Variants in SRSF11 observed in about 807,000 individuals in gnomAD.
SRSF11 encodes the protein serine/arginine-rich splicing factor 11.
Under a neutral mutation model 56.0 loss-of-function variants are expected in SRSF11, and 9 were observed. That is an observed-to-expected ratio of 0.16 (90% confidence interval 0.10 to 0.28). The LOEUF is 0.28. Among genes scored for constraint, SRSF11 ranks in the 10% least tolerant of loss-of-function variants. The pLI is 1.00. For synonymous variants in SRSF11, 222 were observed against 215.3 expected (o/e 1.03, Z -0.27); for missense variants, 421 against 600.7 (o/e 0.70, Z 3.13).
intron 7 of SRSF11, among the ~76,000 whole-genome samples, chr1:70,244,217 T>A (rs1571909517): frequency 1.3e-5 from 2 of 152,296 alleles, no homozygotes; most frequent in East Asian, 3.9e-4. Flanking sequence ...GGCATTTACT[T>A]TATGGACTTA....
intron 9 of SRSF11, 49 bp downstream of exon 9, chr1:70,246,956 C>G: frequency 6.8e-7 from 1 of 1,477,054 alleles, no homozygotes; most frequent in Non-Finnish European, 9.3e-7. Flanking sequence ...AACTTTGCTT[C>G]TAACAGTATC....
chr1:70,235,619 G>A lies in SRSF11; in HGVS notation c.590+69G>A, dbSNP rs949926898. 5.5e-6 allele frequency: 8 copies of A among 1,455,506 alleles called. No homozygotes were observed. In the African/African-American group the frequency reaches 1.0e-4, roughly 18 times the overall value. 90.2% of individuals were successfully genotyped at this position (1,455,506 alleles called of 1,614,324 possible). A position where few individuals can be genotyped will look rare whatever the true frequency, so the allele number is the denominator to read the frequency against. On this transcript the variant is annotated intron_variant, in intron 5 of 11. Transcript: ENST00000370949. Reference sequence around the variant, plus strand: ...ATGTCTACAGAATTAGAGTTTTTTTGATAGCTTATAAGAAAGTTATCAAGT... The same window carrying A: ...ATGTCTACAGAATTAGAGTTTTTTTAATAGCTTATAAGAAAGTTATCAAGT...
At chr1:70,238,350 A>G (rs889059696) in intron 6 of SRSF11, among the ~76,000 whole-genome samples, 1 of 152,216 alleles carries the variant, frequency 6.6e-6, no homozygotes, top group Non-Finnish European at 1.5e-5. Flanking sequence ...AAGTGACTGA[A>G]TGTAGTTTCT....
chr1:70,215,479 G>A (rs1351016726), intron 1 of SRSF11, among the ~76,000 whole-genome samples: 1 of 152,196 alleles, frequency 6.6e-6, no homozygotes, highest in Non-Finnish European at 1.5e-5. Context: ...GGTGATGGTA[G>A]ATTTTTGTCT....
chr1:70,217,188 C>T (rs1347881552), upstream of SRSF11, among the ~76,000 whole-genome samples: 3 of 151,660 alleles, frequency 2.0e-5, no homozygotes, highest in Admixed American at 6.6e-5. Flanking sequence ...GATGGCGTTT[C>T]GCTCTTGTTG....
At chr1:70,217,151 GTTGT>G (rs1241815498), upstream of SRSF11, among the ~76,000 whole-genome samples, 2 of 151,604 alleles carry the variant, frequency 1.3e-5, no homozygotes, top group African/African-American at 4.8e-5. Context: ...TTTTTTTGTT[GTTGT>G]TTTTTGTTTT....
At chr1:70,224,954 C>T (rs1380213774) in intron 1 of SRSF11, among the ~76,000 whole-genome samples, 1 of 152,046 alleles carries the variant, frequency 6.6e-6, no homozygotes, top group Non-Finnish European at 1.5e-5. Flanking sequence ...TGTTTTTGAC[C>T]CTGTTTTACA....
chr1:70,239,647 G>C, intron 7 of SRSF11, 127 bp downstream of exon 7: 1 of 649,304 alleles, frequency 1.5e-6, no homozygotes, highest in Non-Finnish European at 2.6e-6. Context: ...CTGTTAGAAT[G>C]TGTGAATGAC....
At chr1:70,229,512 G>C (rs1345230113) in intron 2 of SRSF11, 15 of 984,834 alleles carry the variant, frequency 1.5e-5, no homozygotes, top group Non-Finnish European at 1.7e-5. Context: ...CCAATGTACT[G>C]CTACTTGATT....
At chr1:70,232,016 A>G in intron 2 of SRSF11, 1 of 1,523,056 alleles carries the variant, frequency 6.6e-7, no homozygotes, top group Non-Finnish European at 8.8e-7. Context: ...AGTAGTGTGT[A>G]TTGTGCTATT....
intron 1 of SRSF11, among the ~76,000 whole-genome samples, chr1:70,208,939 A>C (rs556840852): frequency 1.8e-4 from 27 of 152,340 alleles, no homozygotes; most frequent in African/African-American, 6.5e-4. Context: ...TACTAAAATA[A>C]TGTGAAATGA....
intron 2 of SRSF11, chr1:70,229,802 A>ATTT: frequency 1.0e-6 from 1 of 983,900 alleles, no homozygotes; most frequent in Non-Finnish European, 1.2e-6. Flanking sequence ...ATTAACTTAT[A>ATTT]TTTATAAATG....
At chr1:70,232,102 A>T in intron 2 of SRSF11, 166 bp from the exon 3 acceptor site, 2 of 1,547,436 alleles carry the variant, frequency 1.3e-6, no homozygotes, top group Non-Finnish European at 1.7e-6. Flanking sequence ...TCATTCTGAC[A>T]TAAAATTAAT....
chr1:70,231,104 C>T, intron 2 of SRSF11: 1 of 1,289,600 alleles, frequency 7.8e-7, no homozygotes, highest in South Asian at 1.2e-5. Context: ...GTTCTTTTCC[C>T]TGGTTCAGCC....
At chr1:70,218,672 C>G (rs1438232057), upstream of SRSF11, 1 of 152,114 alleles carries the variant, frequency 6.6e-6, no homozygotes, top group African/African-American at 2.4e-5. Flanking sequence ...CTTTTATCAT[C>G]AAATATTTTA....
intron 2 of SRSF11, chr1:70,229,291 C>G: frequency 1.6e-6 from 2 of 1,287,734 alleles, no homozygotes; most frequent in Non-Finnish European, 2.0e-6. Context: ...TAGACATTAA[C>G]TAAAGGCCAG....
chr1:70,238,550 G>A (rs1233544911), intron 6 of SRSF11, among the ~76,000 whole-genome samples: 2 of 152,158 alleles, frequency 1.3e-5, no homozygotes, highest in Non-Finnish European at 2.9e-5. Flanking sequence ...TTTCTTATGT[G>A]TAGTTCTAGA....
At chr1:70,226,624 C>A (rs1671843711) in intron 1 of SRSF11, among the ~76,000 whole-genome samples, 1 of 152,106 alleles carries the variant, frequency 6.6e-6, no homozygotes, top group South Asian at 2.1e-4. Flanking sequence ...TGCTATTTCC[C>A]AGGGCATTGT....
intron 1 of SRSF11, among the ~76,000 whole-genome samples, chr1:70,214,894 GTTTTT>G (rs34229824): frequency 7.9e-6 from 1 of 125,916 alleles, no homozygotes; most frequent in Non-Finnish European, 1.6e-5. Flanking sequence ...CTGCAGATAA[GTTTTT>G]TTTTTTTTTT....
Sources: gnomAD v4.1 joint callset for allele counts (sites outside exome capture counted in the v4.1 genomes callset) on GRCh38, gnomAD v4.1.1 for gene constraint, MANE v1.5 for transcripts, NCBI Gene and HGNC (gene_info 2026-07-23, HGNC 2026-07-21) for gene names.